The following NCK2 variants were observed in gnomAD, a reference collection of about 807,000 sequenced individuals.
NCK2 encodes the protein NCK adaptor protein 2.
In NCK2, 16 loss-of-function variants were observed where a neutral mutation model predicts 33.9. The ratio of observed to expected loss-of-function variants is 0.47; its 90% CI spans 0.32 to 0.72. NCK2 has a LOEUF of 0.72. NCK2 is among the 30% of genes least tolerant of loss of function. NCK2 has a pLI of 0.03. For missense variants in NCK2, 418 were observed against 537.3 expected, an observed-to-expected ratio of 0.78 and a Z score of 2.19; for synonymous variants, 273 against 239.9, an observed-to-expected ratio of 1.14 and a Z score of -1.27.
At chr2:105,769,247 C>T (rs1327041497) in intron 1 of NCK2, among the ~76,000 whole-genome samples, 2 of 152,088 alleles carry the variant, frequency 1.3e-5, no homozygotes, top group Non-Finnish European at 2.9e-5. Flanking sequence ...TCCACCTGGG[C>T]AGCCCTGTCA....
At chr2:105,835,253 C>A (rs1676345558) in intron 2 of NCK2, among the ~76,000 whole-genome samples, 1 of 150,784 alleles carries the variant, frequency 6.6e-6, no homozygotes, top group African/African-American at 2.4e-5. Flanking sequence ...CCTCATAGGG[C>A]CAGTCTACTG....
intron 2 of NCK2, among the ~76,000 whole-genome samples, chr2:105,819,296 T>G (rs1675633121): frequency 6.6e-6 from 1 of 151,048 alleles, no homozygotes; most frequent in African/African-American, 2.4e-5. Context: ...ATAAGAAAAC[T>G]TCTCAAACCC....
rs372253437 is a variant in NCK2, at chr2:105,892,796, A to C, written c.949-186A>C. On this transcript the variant is annotated intron_variant, in intron 4 of 4. Transcript: ENST00000233154. ...GTGAGGCGGAGGTTGCAGTGAGCCGAGATTGGGCCACTACACTACAGCCTG... is the reference window on the plus strand; with the variant it reads ...GTGAGGCGGAGGTTGCAGTGAGCCGCGATTGGGCCACTACACTACAGCCTG... 5.2e-3 allele frequency among the ~76,000 whole-genome samples: 785 copies of C among 151,092 alleles called. 15 individuals carry two copies. The highest frequency in any genetic ancestry group is 0.017 in the African/African-American group (706 of 41,192).
intron 1 of NCK2, among the ~76,000 whole-genome samples, chr2:105,804,076 G>A (rs919485724): frequency 7.9e-5 from 12 of 152,030 alleles, no homozygotes; most frequent in Non-Finnish European, 1.8e-4. Context: ...ATTTTTTACG[G>A]GGCAAATTAT....
intron 1 of NCK2, among the ~76,000 whole-genome samples, chr2:105,756,341 C>G (rs1408350708): frequency 1.1e-5 from 1 of 89,224 alleles, no homozygotes; most frequent in Non-Finnish European, 2.1e-5. Flanking sequence ...TACAATCAAT[C>G]TTTCCCTTTC....
At chr2:105,872,588 G>A (rs1230921660) in intron 3 of NCK2, among the ~76,000 whole-genome samples, 1 of 152,184 alleles carries the variant, frequency 6.6e-6, no homozygotes, top group Admixed American at 6.5e-5. Context: ...GGCTGGGTAG[G>A]TTCTTCACAC....
intron 1 of NCK2, among the ~76,000 whole-genome samples, chr2:105,770,491 A>G (rs969511256): frequency 6.6e-5 from 10 of 152,218 alleles, no homozygotes; most frequent in Non-Finnish European, 1.5e-4. Flanking sequence ...GTGTGTGTGT[A>G]TGCGAATGTG....
At chr2:105,834,898 G>C (rs1676332920) in intron 2 of NCK2, among the ~76,000 whole-genome samples, 1 of 151,880 alleles carries the variant, frequency 6.6e-6, no homozygotes, top group Non-Finnish European at 1.5e-5. Context: ...GGCTGGTCTT[G>C]AACTCCTGGG....
chr2:105,824,993 T>C (rs575803359), intron 2 of NCK2, among the ~76,000 whole-genome samples: 133 of 152,304 alleles, frequency 8.7e-4, no homozygotes, highest in Non-Finnish European at 1.7e-3. Context: ...AGGCAAGTGA[T>C]GCTGCCCACA....
At chr2:105,807,807 T>TCCCTCTATCCCTCCCTCCCTC (rs1675129784) in intron 1 of NCK2, among the ~76,000 whole-genome samples, 1 of 9,704 alleles carries the variant, frequency 1.0e-4, no homozygotes, top group Non-Finnish European at 1.7e-4. Context: ...CTCCCTCCCT[T>TCCCTCTATCCCTCCCTCCCTC]CTATCTCTCC....
At chr2:105,774,884 G>GA (rs1306379462) in intron 1 of NCK2, among the ~76,000 whole-genome samples, 6 of 151,766 alleles carry the variant, frequency 4.0e-5, no homozygotes, top group Non-Finnish European at 8.8e-5. Flanking sequence ...ATGTACAGCT[G>GA]AAAAAACGCT....
At chr2:105,753,559 C>T (rs1006532676) in intron 1 of NCK2, among the ~76,000 whole-genome samples, 3 of 152,200 alleles carry the variant, frequency 2.0e-5, no homozygotes, top group Non-Finnish European at 4.4e-5. Flanking sequence ...GTGTGATGTG[C>T]CTCTTCATCA....
intron 4 of NCK2, among the ~76,000 whole-genome samples, chr2:105,890,102 T>C (rs1359662808): frequency 1.3e-5 from 2 of 152,182 alleles, no homozygotes; most frequent in East Asian, 3.8e-4. Flanking sequence ...CCCCAACTTT[T>C]AGCACTCCTG....
intron 1 of NCK2, among the ~76,000 whole-genome samples, chr2:105,769,782 G>T (rs1307551832): frequency 8.0e-6 from 1 of 125,592 alleles, no homozygotes; most frequent in Non-Finnish European, 1.6e-5. Context: ...TGTCAGGCGT[G>T]GTCAGTAAAA....
intron 1 of NCK2, among the ~76,000 whole-genome samples, chr2:105,814,969 T>C (rs1156894202): frequency 6.6e-6 from 1 of 152,058 alleles, no homozygotes; most frequent in Non-Finnish European, 1.5e-5. Context: ...CATACAGAGG[T>C]GGTGTTTGGG....
rs1553464584 is a variant in NCK2 at position 105,894,020 on chromosome 2, C to CACACACACTA, written c.*844_*845insACACACACTA. On this transcript the variant is annotated 3_prime_UTR_variant, in exon 5 of 5. Coordinates refer to ENST00000233154, the MANE Select transcript of NCK2 (RefSeq NM_003581.5). ...ACGTGCACACACACACACACACACA[C>CACACACACTA]TATATATATATATATTATTTACAGG... 1.6e-4 allele frequency: 14 copies of CACACACACTA among 85,688 alleles called. No homozygotes were observed. Among genetic ancestry groups the CACACACACTA allele is most frequent in the Non-Finnish European group, 2.7e-4 (10 of 37,134 alleles). The allele number at this position is 85,688 out of a possible 1,614,324, so 5.3% of individuals were successfully genotyped here. A position where few individuals can be genotyped will look rare whatever the true frequency, so the allele number is the denominator to read the frequency against.
rs142854467 is a variant in NCK2 at position 105,825,574 on chromosome 2, G to A, written c.-17+8961G>A. On this transcript the variant is annotated intron_variant, in intron 2 of 4. Transcript: ENST00000233154. The stretch of plus-strand genomic sequence containing the variant: ...CCACTTTGGAGATTCTGGCTTGGGG[G>A]ATGGTGGGTTCCTGAAAAAGGGTCA... Among the ~76,000 whole-genome samples the A allele has an allele frequency of 1.1e-4, 16 of 152,346 alleles. No individual in the cohort carries two copies. The East Asian group carries it at 2.7e-3, about 26-fold the overall frequency.
At chr2:105,785,603 C>T (rs1690650433) in intron 1 of NCK2, among the ~76,000 whole-genome samples, 1 of 152,218 alleles carries the variant, frequency 6.6e-6, no homozygotes, top group East Asian at 1.9e-4. Context: ...TCTCCAATAG[C>T]ACCAATAGAG....
rs1490052739 is a variant in NCK2 at position 105,893,009 on chromosome 2, G to A, written c.976G>A (p.Ala326Thr). ...SPSDFSVSLKASGKNKHFKVQ... is the reference protein window; with the variant it reads ...SPSDFSVSLKTSGKNKHFKVQ... ...CAGCGACTTCTCCGTGTCCCTTAAA[G>A]CGTCAGGGAAGAACAAACACTTCAA... Residue 326 changes from alanine (A) to threonine (T), a missense_variant, in exon 5 of 5, where the codon GCG (alanine) becomes ACG (threonine). Coordinates refer to ENST00000233154, the MANE Select transcript of NCK2 (RefSeq NM_003581.5). The A allele has an allele frequency of 1.2e-6, 2 of 1,612,742 alleles. No individual in the cohort carries two copies. The highest frequency in any genetic ancestry group is 1.7e-5 in the Admixed American group (1 of 59,976).
Sources: allele counts gnomAD v4.1 joint callset (sites outside exome capture counted in the v4.1 genomes callset), GRCh38; gene constraint gnomAD v4.1.1; transcripts MANE v1.5; gene names NCBI Gene and HGNC (gene_info 2026-07-23, HGNC 2026-07-21).